Variants in PARD3B observed in about 807,000 individuals in gnomAD.
The protein encoded by PARD3B is partitioning defective 3 homolog B.
A neutral mutation model predicts 130.2 loss-of-function variants in PARD3B; 103 were observed. That is an observed-to-expected ratio of 0.79 (90% CI 0.67 to 0.93). The LOEUF (loss-of-function observed/expected upper bound fraction) is 0.93, where lower values mean the gene tolerates loss of function less well. Among genes scored for constraint, PARD3B ranks in the 40% least tolerant of loss-of-function variants. The pLI is 0.00. For synonymous variants in PARD3B, 583 were observed against 553.2 expected (o/e 1.05, Z -0.76); for missense variants, 1,609 against 1,499.2 (o/e 1.07, Z -1.21).
intron 21 of PARD3B, among the ~76,000 whole-genome samples, chr2:205,519,979 C>T (rs2106394480): frequency 6.6e-6 from 1 of 152,182 alleles, no homozygotes. Flanking sequence ...GCTATGTTCC[C>T]TCTCAATGCT....
chr2:204,817,119 A>C (rs1196616629), intron 2 of PARD3B, among the ~76,000 whole-genome samples: 1 of 152,120 alleles, frequency 6.6e-6, no homozygotes, highest in South Asian at 2.1e-4. Flanking sequence ...TTTTGAACTT[A>C]CAGATTATTT....
rs547370969 is a variant in PARD3B, at chr2:204,854,759, C to A, written c.223-110393C>A. ...AGCAAAATATGAATATTAGTCTCAT[C>A]ATAAAGGTATGTACACTTCTGAAGC... is the stretch of plus-strand genomic sequence containing the variant. On this transcript the variant is annotated intron_variant, in intron 2 of 22. Transcript: ENST00000406610. Among the ~76,000 whole-genome samples the A allele has an allele frequency of 2.2e-3, 337 of 152,194 alleles. 2 individuals are homozygous for A. Among genetic ancestry groups the A allele is most frequent in the Non-Finnish European group, 3.1e-3 (210 of 68,006 alleles).
chr2:204,841,496 A>G (rs760640767), intron 2 of PARD3B, among the ~76,000 whole-genome samples: 4 of 152,160 alleles, frequency 2.6e-5, no homozygotes, highest in Non-Finnish European at 5.9e-5. Context: ...TTACAAGTGC[A>G]ACAAGTAGCA....
chr2:204,884,560 A>G (rs2046201370), intron 2 of PARD3B, among the ~76,000 whole-genome samples: 1 of 152,146 alleles, frequency 6.6e-6, no homozygotes, highest in South Asian at 2.1e-4. Context: ...CCCATCACCC[A>G]GATATTAGGC....
chr2:205,468,267 C>G (rs748425976), intron 20 of PARD3B, among the ~76,000 whole-genome samples: 8 of 152,172 alleles, frequency 5.3e-5, no homozygotes, highest in Non-Finnish European at 1.0e-4. Context: ...AATACCAGTG[C>G]GATTCTCATT....
chr2:204,834,943 T>C (rs1035412798), intron 2 of PARD3B, among the ~76,000 whole-genome samples: 4 of 152,244 alleles, frequency 2.6e-5, no homozygotes, highest in African/African-American at 9.6e-5. Flanking sequence ...GGTTTAGAGC[T>C]AGAACACCTG....
At chr2:205,209,485 T>G (rs1339731368) in intron 15 of PARD3B, among the ~76,000 whole-genome samples, 1 of 152,070 alleles carries the variant, frequency 6.6e-6, no homozygotes, top group African/African-American at 2.4e-5. Context: ...AATACTTAAG[T>G]TCTCCTTGCA....
intron 4 of PARD3B, among the ~76,000 whole-genome samples, chr2:205,090,124 G>C (rs894189131): frequency 2.0e-5 from 3 of 152,196 alleles, no homozygotes; most frequent in African/African-American, 7.2e-5. Flanking sequence ...TTATCTGTCA[G>C]GAAGCATGTG....
At chr2:205,549,109 T>G (rs1300711442) in intron 21 of PARD3B, among the ~76,000 whole-genome samples, 1 of 152,166 alleles carries the variant, frequency 6.6e-6, no homozygotes, top group Non-Finnish European at 1.5e-5. Context: ...TTGGGAACAC[T>G]GACCACACCA....
At chr2:204,553,576 A>G (rs1327557768) in intron 1 of PARD3B, among the ~76,000 whole-genome samples, 2 of 109,170 alleles carry the variant, frequency 1.8e-5, no homozygotes, top group African/African-American at 3.5e-5. Flanking sequence ...ATATATATGT[A>G]TATATAAGGC....
At chr2:204,785,685 G>T (rs986786815) in intron 2 of PARD3B, among the ~76,000 whole-genome samples, 1 of 152,192 alleles carries the variant, frequency 6.6e-6, no homozygotes, top group Non-Finnish European at 1.5e-5. Context: ...TGGGCCCAGT[G>T]CCCGACATGC....
intron 12 of PARD3B, among the ~76,000 whole-genome samples, chr2:205,173,891 G>C (rs930801893): frequency 4.6e-5 from 7 of 152,180 alleles, no homozygotes; most frequent in African/African-American, 1.2e-4. Flanking sequence ...TTATTGGAGA[G>C]AGTTGAAAGG....
intron 13 of PARD3B, among the ~76,000 whole-genome samples, chr2:205,179,702 C>G (rs778562431): frequency 6.6e-6 from 1 of 152,172 alleles, no homozygotes; most frequent in East Asian, 1.9e-4. Context: ...AAGCTTTTCT[C>G]AGAATATATC....
intron 22 of PARD3B, among the ~76,000 whole-genome samples, chr2:205,598,563 G>C (rs964314488): frequency 6.6e-6 from 1 of 152,092 alleles, no homozygotes; most frequent in African/African-American, 2.4e-5. Flanking sequence ...TGCTATTGAG[G>C]CAGAAAACTA....
intron 1 of PARD3B, among the ~76,000 whole-genome samples, chr2:204,571,048 T>C (rs566430702): frequency 2.0e-5 from 3 of 152,302 alleles, no homozygotes; most frequent in African/African-American, 4.8e-5. Context: ...TAAGCTGTTA[T>C]AACTGAGGTG....
rs1696589195 is a variant in PARD3B, at chr2:205,021,463, C to G, written c.395-26118C>G. ...TAGGATTGACTTCCCAACGGCTGCTCACACAGCCTCTGGAAGTGGTAACTT... is the reference window on the plus strand; with the variant it reads ...TAGGATTGACTTCCCAACGGCTGCTGACACAGCCTCTGGAAGTGGTAACTT... On this transcript the variant is annotated intron_variant, in intron 3 of 22. Transcript: ENST00000406610. The surrounding 1 kb of genome is among the most constrained non-coding windows in gnomAD (Gnocchi z 4.5). Among the ~76,000 whole-genome samples, 1 of 152,042 alleles carries G rather than the reference C, an allele frequency of 6.6e-6. No homozygotes were observed. Among genetic ancestry groups the G allele is most frequent in the South Asian group, 2.1e-4 (1 of 4,832 alleles).
intron 22 of PARD3B, among the ~76,000 whole-genome samples, chr2:205,607,435 G>T (rs994965278): frequency 2.0e-5 from 3 of 152,136 alleles, no homozygotes; most frequent in Non-Finnish European, 2.9e-5. Flanking sequence ...GTCTGCCTGG[G>T]CTTGAACTGG....
At chr2:205,482,765 GGATTA>G (rs2049291777) in intron 20 of PARD3B, 1 of 152,102 alleles carries the variant, frequency 6.6e-6, no homozygotes, top group African/African-American at 2.4e-5. Flanking sequence ...AGAGCTACTT[GGATTA>G]ATTCGGTGAC....
At chr2:204,803,144 G>GAAAA (rs67190837) in intron 2 of PARD3B, among the ~76,000 whole-genome samples, 2 of 120,132 alleles carry the variant, frequency 1.7e-5, no homozygotes, top group Non-Finnish European at 1.7e-5. Context: ...AGTGCTGAAG[G>GAAAA]AAAAAAAAAA....
Sources: allele counts gnomAD v4.1 joint callset (sites outside exome capture counted in the v4.1 genomes callset), GRCh38; gene constraint gnomAD v4.1.1; non-coding constraint Gnocchi (gnomAD v3.1); transcripts MANE v1.5; gene names NCBI Gene and HGNC (gene_info 2026-07-23, HGNC 2026-07-21).